SRPRA: variants seen among roughly 807,000 people sequenced by gnomAD.
The protein encoded by SRPRA is SRP receptor subunit alpha.
SRPRA carries 30 observed loss-of-function variants against 61.1 expected under a neutral mutation model. The observed-to-expected ratio is 0.49, with a 90% confidence interval of 0.37 to 0.67. The LOEUF (loss-of-function observed/expected upper bound fraction) is 0.67. Among genes scored for constraint, SRPRA ranks in the 30% least tolerant of loss-of-function variants. SRPRA has a pLI of 0.00. For synonymous variants in SRPRA, 324 were observed against 299.7 expected, an observed-to-expected ratio of 1.08 and a Z score of -0.84; for missense variants, 759 against 828.4, an observed-to-expected ratio of 0.92 and a Z score of 1.03.
rs759316828 is a variant in SRPRA at position 126,267,191 on chromosome 11, C to CT, written c.509dup (p.Ala172GlyfsTer7). 2.2e-5 allele frequency: 36 copies of CT among 1,612,506 alleles called. No individual in the cohort carries two copies. Among genetic ancestry groups the CT allele is most frequent in the South Asian group, 3.3e-5 (3 of 90,976 alleles). ...CAAACTTGCCTTCCTTCTTGGCCCCCTTTTTTTTGCTATTCTTTGCTTTTT... is the reference window on the plus strand; with the variant it reads ...CAAACTTGCCTTCCTTCTTGGCCCCCTTTTTTTTTGCTATTCTTTGCTTTTT... On this transcript the variant is annotated frameshift_variant, in exon 4 of 14. Coordinates refer to ENST00000332118, the MANE Select transcript of SRPRA (RefSeq NM_003139.4). LOFTEE classifies it high-confidence loss of function. This position sits in a 1 kb window ranked among gnomAD's most constrained non-coding sequence, Gnocchi z 4.2.
rs1359581879 is a variant in SRPRA at position 126,265,474 on chromosome 11, AAAC to A, written c.1139-37_1139-35del. ...GGAGGTGGAGGAGGTTGCAGCTGTGAAACTCAAGGAATGCTCTCAAAAATGCCT... is the reference window on the plus strand; with the variant it reads ...GGAGGTGGAGGAGGTTGCAGCTGTGATCAAGGAATGCTCTCAAAAATGCCT... On this transcript the variant is annotated intron_variant, in intron 9 of 13. Transcript: ENST00000332118. The surrounding 1 kb of genome is among the most constrained non-coding windows in gnomAD (Gnocchi z 6.3). 6.3e-7 allele frequency: 1 copy of A among 1,594,058 alleles called. No homozygotes were observed. Among genetic ancestry groups the A allele is most frequent in the African/African-American group, 1.3e-5 (1 of 74,488 alleles).
At chr11:126,261,825 CA>C (rs534170650), downstream of SRPRA, among the ~76,000 whole-genome samples, 159 of 151,830 alleles carry the variant, frequency 1.0e-3, no homozygotes, top group Non-Finnish European at 1.6e-3. Flanking sequence ...GCTGTTTCTA[CA>C]AAAAAAATTT....
rs1950796252 is a variant in SRPRA at position 126,265,726 on chromosome 11, T to TA, written c.1138+10dup. ...ACACATAAGCACTTTCTCACTTAGGTAAGTACTTACTGCTGAACGTCCCCA... is the reference window on the plus strand; with the variant it reads ...ACACATAAGCACTTTCTCACTTAGGTAAAGTACTTACTGCTGAACGTCCCCA... On this transcript the variant is annotated intron_variant, in intron 9 of 13. Transcript: ENST00000332118. This position sits in a 1 kb window ranked among gnomAD's most constrained non-coding sequence, Gnocchi z 6.3. 6.2e-7 allele frequency: 1 copy of TA among 1,613,460 alleles called. No individual in the cohort carries two copies. Among genetic ancestry groups the TA allele is most frequent in the South Asian group, 1.1e-5 (1 of 91,064 alleles).
chr11:126,250,872 T>C, the SRPRA span: 1 of 626,072 alleles, frequency 1.6e-6, no homozygotes, highest in Middle Eastern at 2.7e-4. This position sits in a 1 kb window ranked among gnomAD's most constrained non-coding sequence, Gnocchi z 5.1. Context: ...TTTTTGTTTT[T>C]CTTTTTTCTT....
chr11:126,236,981 A>G, the SRPRA span, among the ~76,000 whole-genome samples: 1 of 135,686 alleles, frequency 7.4e-6, no homozygotes, highest in Non-Finnish European at 1.5e-5. Context: ...CAGTGACACT[A>G]TCTCGGCTCA....
chr11:126,250,429 T>G, the SRPRA span: 3 of 958,328 alleles, frequency 3.1e-6, no homozygotes, highest in Admixed American at 2.2e-5. This position sits in a 1 kb window ranked among gnomAD's most constrained non-coding sequence, Gnocchi z 5.1. Flanking sequence ...CTTCCAAAAT[T>G]TGTTACTGCT....
the SRPRA span, among the ~76,000 whole-genome samples, chr11:126,236,843 TGC>T: frequency 6.6e-6 from 1 of 151,948 alleles, no homozygotes; most frequent in Admixed American, 6.6e-5. Flanking sequence ...AAATTTCTGT[TGC>T]GTTATTTTTG....
At chr11:126,240,490 T>TA in the SRPRA span, among the ~76,000 whole-genome samples, 4 of 152,236 alleles carry the variant, frequency 2.6e-5, no homozygotes, top group Non-Finnish European at 5.9e-5. Context: ...AGCTATAGTC[T>TA]ATTTGGATCT....
Position 126,267,801 on chromosome 11 carries a change from G to A in SRPRA, c.202-89C>T, listed in dbSNP as rs966634695. 3.8e-6 allele frequency: 6 copies of A among 1,559,252 alleles called. No homozygotes were observed. On this transcript the variant is annotated intron_variant, in intron 2 of 13. Coordinates refer to ENST00000332118, the MANE Select transcript of SRPRA (RefSeq NM_003139.4). This position sits in a 1 kb window ranked among gnomAD's most constrained non-coding sequence, Gnocchi z 4.2. ...AACTCAACCCTGGCTTTCAGAGATA[G>A]GTTCAGCTACCTGGCCGGTTTCCCT... is the stretch of plus-strand genomic sequence containing the variant.
Position 126,268,768 on chromosome 11 carries a change from G to A in SRPRA, c.37C>T (p.Leu13Phe), listed in dbSNP as rs528200116. 2.5e-6 allele frequency: 4 copies of A among 1,613,824 alleles called. No homozygotes were observed. The highest frequency in any genetic ancestry group is 1.3e-5 in the African/African-American group (1 of 75,072). Residue 13 changes from leucine (L) to phenylalanine (F), a missense_variant, in exon 1 of 14, where the codon CTT (leucine) becomes TTT (phenylalanine). This residue lies in a region of SRPRA where 475 missense variants were observed against 462.5 expected (regional missense o/e 1.03). Coordinates refer to ENST00000332118, the MANE Select transcript of SRPRA (RefSeq NM_003139.4). The part of the protein sequence containing the change: ...DFFTIFSKGG[L>F]VLWCFQGVSD... Reference sequence around the variant, plus strand: ...ACGCCCTGGAAGCACCAGAGCACAAGCCCGCCCTTGGAGAAAATGGTGAAG... The same window carrying A: ...ACGCCCTGGAAGCACCAGAGCACAAACCCGCCCTTGGAGAAAATGGTGAAG...
chr11:126,258,588 AAACT>A (rs1392927946), downstream of SRPRA, among the ~76,000 whole-genome samples: 3 of 152,190 alleles, frequency 2.0e-5, no homozygotes, highest in Non-Finnish European at 2.9e-5. Context: ...TCATTTGTGA[AAACT>A]ATTTACTATT....
rs1287646150 is a variant in SRPRA, at chr11:126,265,772, T to C, written c.1103A>G (p.Asn368Ser). The C allele has an allele frequency of 1.2e-6, 2 of 1,614,250 alleles. No individual in the cohort carries two copies. Among genetic ancestry groups the C allele is most frequent in the Non-Finnish European group, 1.7e-6 (2 of 1,180,048 alleles). ...CCCCATCACCTTCCCTTCCAACTTG[T>C]TGGCAACAGATTCACAGAGCTGGAC... Reference protein sequence around the residue: ...IAVQLCESVANKLEGKVMGTF... With the variant: ...IAVQLCESVASKLEGKVMGTF... The change falls in exon 9 of 14, where the codon AAC (asparagine) becomes AGC (serine). Residue 368 changes from asparagine (N) to serine (S), a missense_variant. Asn to Ser is a conservative substitution (Grantham distance 46). This residue lies in a region of SRPRA where 475 missense variants were observed against 462.5 expected (regional missense o/e 1.03). Coordinates refer to ENST00000332118, the MANE Select transcript of SRPRA (RefSeq NM_003139.4). The surrounding 1 kb of genome is among the most constrained non-coding windows in gnomAD (Gnocchi z 6.3).
chr11:126,261,362 CT>C (rs1001459554), downstream of SRPRA: 3 of 1,409,274 alleles, frequency 2.1e-6, no homozygotes, highest in African/African-American at 4.2e-5. Flanking sequence ...CTTTAGTTTT[CT>C]TTTTGCTATT....
chr11:126,265,801 A>C lies in SRPRA; in HGVS notation c.1074T>G (p.Ile358Met). The C allele has an allele frequency of 6.2e-7, 1 of 1,614,246 alleles. No individual in the cohort carries two copies. The highest frequency in any genetic ancestry group is 8.5e-7 in the Non-Finnish European group (1 of 1,180,044). Residue 358 changes from isoleucine (I) to methionine (M), a missense_variant, in exon 9 of 14, where the codon ATT becomes ATG. Coordinates refer to ENST00000332118, the MANE Select transcript of SRPRA (RefSeq NM_003139.4). The surrounding 1 kb of genome is among the most constrained non-coding windows in gnomAD (Gnocchi z 6.3). ...CAACAGATTCACAGAGCTGGACGGCAATGTCTGCAGCCACGTTCTTAGCTG... is the reference window on the plus strand; with the variant it reads ...CAACAGATTCACAGAGCTGGACGGCCATGTCTGCAGCCACGTTCTTAGCTG... ...HLIAKNVAAD[I>M]AVQLCESVAN...
the SRPRA span, chr11:126,256,458 C>G: frequency 1.0e-6 from 1 of 958,868 alleles, no homozygotes; most frequent in Non-Finnish European, 1.5e-6. The surrounding 1 kb of genome is among the most constrained non-coding windows in gnomAD (Gnocchi z 6.6). Flanking sequence ...CCACTTAAGT[C>G]TTGCTTAATT....
At chr11:126,257,068 T>G in the SRPRA span, among the ~76,000 whole-genome samples, 1 of 152,190 alleles carries the variant, frequency 6.6e-6, no homozygotes, top group Non-Finnish European at 1.5e-5. Context: ...AATATAGACA[T>G]AGGAAGAATG....
chr11:126,236,614 A>G, the SRPRA span, among the ~76,000 whole-genome samples: 22 of 152,294 alleles, frequency 1.4e-4, no homozygotes. Context: ...GGCAACTAGT[A>G]CCTTCACTTT....
Position 126,267,913 on chromosome 11 carries a change from T to C in SRPRA, c.201+90A>G, listed in dbSNP as rs1950850832. The C allele has an allele frequency of 6.8e-7, 1 of 1,466,116 alleles. No homozygotes were observed. Among genetic ancestry groups the C allele is most frequent in the African/African-American group, 1.4e-5 (1 of 71,936 alleles). 90.8% of individuals were successfully genotyped at this position (1,466,116 alleles called of 1,614,324 possible). A position where few individuals can be genotyped will look rare whatever the true frequency, so the allele number is the denominator to read the frequency against. On this transcript the variant is annotated intron_variant, in intron 2 of 13. Coordinates refer to ENST00000332118, the MANE Select transcript of SRPRA (RefSeq NM_003139.4). This position sits in a 1 kb window ranked among gnomAD's most constrained non-coding sequence, Gnocchi z 4.2. ...CTTTCTAGTTTTTTCAGTTACGTCA[T>C]CATATACACTGGCTGCAATTAATCA... is the stretch of plus-strand genomic sequence containing the variant.
the SRPRA span, among the ~76,000 whole-genome samples, chr11:126,248,243 A>G: frequency 6.6e-6 from 1 of 151,508 alleles, no homozygotes; most frequent in African/African-American, 2.4e-5. Context: ...TTTGTAGGAT[A>G]CATGTGACTG....
Sources: allele counts gnomAD v4.1 joint callset (sites outside exome capture counted in the v4.1 genomes callset), GRCh38; gene constraint gnomAD v4.1.1; regional missense constraint gnomAD v4.1.1; non-coding constraint Gnocchi (gnomAD v3.1); transcripts MANE v1.5; gene names NCBI Gene and HGNC (gene_info 2026-07-23, HGNC 2026-07-21).